KAZN: variants seen among roughly 807,000 people sequenced by gnomAD.
The protein encoded by KAZN is kazrin, periplakin interacting protein.
KAZN carries 40 observed loss-of-function variants against 87.4 expected under a neutral mutation model. The observed-to-expected ratio is 0.46, with a 90% CI of 0.36 to 0.60. KAZN has a LOEUF of 0.60. Ranked by LOEUF, KAZN falls within the 20% of genes least tolerant of loss-of-function variation. The probability of loss-of-function intolerance (pLI) is 0.00; values close to 1 mark genes in which losing one functional copy is unlikely to be tolerated. For missense variants in KAZN, 898 were observed against 1,073.9 expected, an observed-to-expected ratio of 0.84 and a Z score of 2.29; for synonymous variants, 466 against 458.3, an observed-to-expected ratio of 1.02 and a Z score of -0.22.
intron 2 of KAZN, among the ~76,000 whole-genome samples, chr1:14,487,646 G>T (rs1669418408): frequency 6.6e-6 from 1 of 152,220 alleles, no homozygotes; most frequent in South Asian, 2.1e-4. Context: ...AAAGAGTTAA[G>T]TTCTCTCTGT....
chr1:14,799,399 CG>C (rs1214813104), intron 1 of KAZN, among the ~76,000 whole-genome samples: 7 of 152,300 alleles, frequency 4.6e-5, no homozygotes, highest in African/African-American at 1.4e-4. Context: ...TCCGCTTTCA[CG>C]TTAGCCAATC....
At chr1:14,306,779 A>G (rs2100798374) in intron 2 of KAZN, among the ~76,000 whole-genome samples, 1 of 152,236 alleles carries the variant, frequency 6.6e-6, no homozygotes, top group East Asian at 1.9e-4. Flanking sequence ...GAAGTTGCCA[A>G]ATTTAGCTCC....
chr1:14,720,853 A>T (rs1424133806), intron 1 of KAZN, among the ~76,000 whole-genome samples: 1 of 152,148 alleles, frequency 6.6e-6, no homozygotes. Flanking sequence ...AGTACCTGGG[A>T]CTACTACCGC....
intron 1 of KAZN, among the ~76,000 whole-genome samples, chr1:13,898,463 A>G (rs1407557001): frequency 6.6e-6 from 1 of 152,204 alleles, no homozygotes; most frequent in Non-Finnish European, 1.5e-5. Context: ...AACCCGTTTC[A>G]TGTGGGCAGA....
intron 2 of KAZN, among the ~76,000 whole-genome samples, chr1:14,347,428 A>G (rs555587697): frequency 2.0e-5 from 3 of 152,284 alleles, no homozygotes; most frequent in African/African-American, 7.2e-5. Context: ...AAGACACGCT[A>G]AAGAGTCTGA....
At chr1:14,085,057 G>C (rs939604418) in intron 1 of KAZN, among the ~76,000 whole-genome samples, 3 of 152,058 alleles carry the variant, frequency 2.0e-5, no homozygotes, top group African/African-American at 7.3e-5. Context: ...TGTGATTCCT[G>C]GGTTCTTTCA....
chr1:15,013,012 G>T (rs1046756406), intron 2 of KAZN, among the ~76,000 whole-genome samples: 2 of 152,200 alleles, frequency 1.3e-5, no homozygotes, highest in East Asian at 3.8e-4. Context: ...GGCTCAGCCA[G>T]GTTCCCAGCT....
intron 2 of KAZN, among the ~76,000 whole-genome samples, chr1:14,435,203 C>T (rs932414855): frequency 6.6e-6 from 1 of 152,218 alleles, no homozygotes; most frequent in Non-Finnish European, 1.5e-5. Context: ...TTCCTTATGT[C>T]TGCCCAGGTT....
At chr1:14,950,414 G>A (rs1030021314) in intron 1 of KAZN, among the ~76,000 whole-genome samples, 8 of 152,114 alleles carry the variant, frequency 5.3e-5, no homozygotes, top group Non-Finnish European at 7.3e-5. Context: ...GACCAGGCAG[G>A]AGAGGGGAGG....
chr1:14,492,778 GTGCACACACATCACACATA>G (rs1462403524), intron 2 of KAZN, among the ~76,000 whole-genome samples: 1 of 28,350 alleles, frequency 3.5e-5, no homozygotes, highest in Admixed American at 3.6e-4. Context: ...CACACCACAC[GTGCACACACATCACACATA>G]TGCACTCACA....
At chr1:13,923,674 G>C in intron 1 of KAZN, among the ~76,000 whole-genome samples, 1 of 151,858 alleles carries the variant, frequency 6.6e-6, no homozygotes, top group Non-Finnish European at 1.5e-5. Flanking sequence ...AGGCTGATGA[G>C]GAGGAGGATG....
chr1:13,969,514 A>G (rs10927971), intron 1 of KAZN, among the ~76,000 whole-genome samples: 31,647 of 152,068 alleles, frequency 0.21, 3,559 homozygotes, highest in African/African-American at 0.29. Context: ...CAGATTCTCT[A>G]TCACAGTCCT....
At chr1:14,581,483 A>G (rs962662832) in intron 2 of KAZN, among the ~76,000 whole-genome samples, 4 of 152,100 alleles carry the variant, frequency 2.6e-5, no homozygotes, top group African/African-American at 4.8e-5. Context: ...AGCTGCCTAC[A>G]TGGTTTCCTG....
chr1:14,495,412 T>C (rs2148416805), intron 2 of KAZN, among the ~76,000 whole-genome samples: 1 of 152,292 alleles, frequency 6.6e-6, no homozygotes, highest in South Asian at 2.1e-4. Flanking sequence ...ATTAATCCCC[T>C]CATCCTGAGT....
chr1:13,942,306 C>T (rs981236114), intron 1 of KAZN, among the ~76,000 whole-genome samples: 11 of 151,298 alleles, frequency 7.3e-5, no homozygotes, highest in African/African-American at 1.5e-4. Flanking sequence ...TTTGGGAGGC[C>T]GAGGCGGGTG....
intron 1 of KAZN, among the ~76,000 whole-genome samples, chr1:14,907,836 T>C (rs2803403): frequency 0.48 from 73,117 of 151,802 alleles, 17,855 homozygotes; most frequent in African/African-American, 0.57. Context: ...TCAGCTCTCA[T>C]CCCAGTGGAA....
At chr1:14,579,346 C>T (rs779632403) in intron 2 of KAZN, among the ~76,000 whole-genome samples, 29 of 152,144 alleles carry the variant, frequency 1.9e-4, no homozygotes, top group Non-Finnish European at 3.1e-4. Flanking sequence ...CCTGAGTAGT[C>T]TGGGCGTGGT....
At chr1:14,811,638 T>C (rs571937249) in intron 1 of KAZN, among the ~76,000 whole-genome samples, 76 of 152,230 alleles carry the variant, frequency 5.0e-4, no homozygotes, top group Non-Finnish European at 7.5e-4. Context: ...CAAGCTATTT[T>C]ACTAAATTCT....
chr1:14,627,458 A>G (rs1205057869), intron 1 of KAZN, among the ~76,000 whole-genome samples: 1 of 152,042 alleles, frequency 6.6e-6, no homozygotes, highest in African/African-American at 2.4e-5. Context: ...CCGAGGAGGC[A>G]TGTCTGCACA....
Sources: allele counts gnomAD v4.1 joint callset (sites outside exome capture counted in the v4.1 genomes callset), GRCh38; gene constraint gnomAD v4.1.1; transcripts MANE v1.5; gene names NCBI Gene and HGNC (gene_info 2026-07-23, HGNC 2026-07-21).